Variants in TP53BP2 observed in about 807,000 individuals in gnomAD.
TP53BP2 encodes apoptosis-stimulating of p53 protein 2.
A neutral mutation model predicts 126.2 loss-of-function variants in TP53BP2; 62 were observed. The ratio of observed to expected loss-of-function variants is 0.49; its 90% CI spans 0.40 to 0.61. The LOEUF (loss-of-function observed/expected upper bound fraction) is 0.61, where lower values mean the gene tolerates loss of function less well. Among genes scored for constraint, TP53BP2 ranks in the 20% least tolerant of loss-of-function variants. The probability of loss-of-function intolerance (pLI) is 0.00; values close to 1 mark genes in which losing one functional copy is unlikely to be tolerated. For missense variants in TP53BP2, 1,215 were observed against 1,402.8 expected, an observed-to-expected ratio of 0.87 and a Z score of 2.14; for synonymous variants, 485 against 502.9, an observed-to-expected ratio of 0.96 and a Z score of 0.48.
chr1:223,808,628 A>T (rs1446434951), intron 4 of TP53BP2, among the ~76,000 whole-genome samples: 1 of 151,980 alleles, frequency 6.6e-6, no homozygotes, highest in Non-Finnish European at 1.5e-5. Context: ...GTAAAACTGC[A>T]AACTACAAAA....
chr1:223,841,731 A>G (rs1664108418), intron 1 of TP53BP2, among the ~76,000 whole-genome samples: 1 of 152,118 alleles, frequency 6.6e-6, no homozygotes, highest in African/African-American at 2.4e-5. Flanking sequence ...GAGATACTGT[A>G]ATATCCCATT....
chr1:223,790,010 G>A (rs937347220), intron 15 of TP53BP2, among the ~76,000 whole-genome samples: 4 of 152,040 alleles, frequency 2.6e-5, no homozygotes, highest in Admixed American at 6.6e-5. Context: ...TAGACCAGGC[G>A]CAGTGGCTCC....
In TP53BP2 at chr1:223,796,584, C is replaced by T. The variant is rs1662332959; in HGVS notation, c.1955G>A (p.Gly652Asp). 1.9e-6 allele frequency: 3 copies of T among 1,561,122 alleles called. No individual in the cohort carries two copies. The African/African-American group carries it at 4.3e-5, about 22-fold the overall frequency. ...CTGGGCAGCAGCAATTACAGGCTTA[C>T]CATATACTAATTGGAAAAGGAAAAA... ...TRGPHFSSVY[G>D]KPVIAAAQNQ... Residue 652 changes from glycine (G) to aspartate (D), a missense_variant, in exon 13 of 18, where the codon GGT (glycine) becomes GAT (aspartate). This residue lies in a region of TP53BP2 where 814 missense variants were observed against 853.0 expected (regional missense o/e 0.95). Coordinates refer to ENST00000343537, the MANE Select transcript of TP53BP2 (RefSeq NM_001031685.3). This position sits in a 1 kb window ranked among gnomAD's most constrained non-coding sequence, Gnocchi z 4.2.
Position 223,845,861 on chromosome 1 carries a change from G to T in TP53BP2, c.-181C>A. 1 of 379,868 alleles carries T rather than the reference G, an allele frequency of 2.6e-6. No homozygotes were observed. The highest frequency in any genetic ancestry group is 4.4e-6 in the Non-Finnish European group (1 of 229,712). The allele number at this position is 379,868 out of a possible 1,614,324, so 23.5% of individuals were successfully genotyped here. ...GGGCTGGGGCACCAACAAGCCCCGG[G>T]CTCCCCCGCCCCGGCCGGGCCCCCT... On this transcript the variant is annotated 5_prime_UTR_variant, in exon 1 of 18. Transcript: ENST00000343537.
At chr1:223,806,803 G>T (rs766891062) in intron 5 of TP53BP2, 43 bp downstream of exon 5, 3 of 1,527,472 alleles carry the variant, frequency 2.0e-6, no homozygotes, top group East Asian at 2.3e-5. Context: ...CAGCCTAGGC[G>T]ACAGAGTGAG....
chr1:223,826,833 G>A lies in TP53BP2; in HGVS notation c.28-5466C>T, dbSNP rs114218810. 7.4e-3 allele frequency among the ~76,000 whole-genome samples: 1,134 copies of A among 152,266 alleles called. 11 individuals carry two copies. Among genetic ancestry groups the A allele is most frequent in the Middle Eastern group, 0.027 (8 of 294 alleles). On this transcript the variant is annotated intron_variant, in intron 1 of 17. Transcript: ENST00000343537. ...CAATTAAGAGGTAAATGCTACACAC[G>A]GAATGAGATACGATGGTAGCACAGA...
rs780509270 is a variant in TP53BP2, at chr1:223,807,175, A to G, written c.373-228T>C. On this transcript the variant is annotated intron_variant, in intron 4 of 17. Coordinates refer to ENST00000343537, the MANE Select transcript of TP53BP2 (RefSeq NM_001031685.3). ...ACACACTAATATACAATAATCTTTT[A>G]TTTTAAGTTGCAAGTTTAAAATTAA... Among the ~76,000 whole-genome samples the G allele has an allele frequency of 9.1e-4, 138 of 152,194 alleles. 1 individual carries two copies. The highest frequency in any genetic ancestry group is 3.7e-4 in the Non-Finnish European group (25 of 68,024).
At chr1:223,786,038 G>A (rs373612321) in intron 16 of TP53BP2, among the ~76,000 whole-genome samples, 7 of 152,218 alleles carry the variant, frequency 4.6e-5, no homozygotes, top group African/African-American at 1.4e-4. Context: ...CAGCACACAT[G>A]TCCTTCGAAA....
At chr1:223,791,810 A>C (rs1662165414) in intron 15 of TP53BP2, among the ~76,000 whole-genome samples, 2 of 152,166 alleles carry the variant, frequency 1.3e-5, no homozygotes, top group Admixed American at 1.3e-4. Context: ...TTTGCTGTCT[A>C]TTCTGTTAGT....
intron 16 of TP53BP2, among the ~76,000 whole-genome samples, chr1:223,784,754 G>A (rs1235691507): frequency 1.3e-5 from 2 of 152,120 alleles, no homozygotes; most frequent in African/African-American, 2.4e-5. Flanking sequence ...AAAATTCAGA[G>A]CAGACAGAGA....
intron 9 of TP53BP2, among the ~76,000 whole-genome samples, chr1:223,801,372 T>C (rs1662522625): frequency 6.6e-6 from 1 of 152,234 alleles, no homozygotes; most frequent in African/African-American, 2.4e-5. Context: ...GTAGTTATGG[T>C]AAAATAACAA....
intron 1 of TP53BP2, among the ~76,000 whole-genome samples, chr1:223,824,243 C>T (rs1663413964): frequency 2.0e-5 from 3 of 152,296 alleles, no homozygotes; most frequent in South Asian, 4.1e-4. Flanking sequence ...TGATCTTTTA[C>T]TTTCTGGAAA....
chr1:223,821,361 G>C lies in TP53BP2; in HGVS notation c.34C>G (p.Leu12Val). 1.9e-6 allele frequency: 3 copies of C among 1,614,006 alleles called. No individual in the cohort carries two copies. The South Asian group carries it at 3.3e-5, about 18-fold the overall frequency. The change falls in exon 2 of 18, where the codon CTT becomes GTT. Residue 12 changes from leucine to valine, a missense_variant. This residue lies in a region of TP53BP2 where 814 missense variants were observed against 853.0 expected (regional missense o/e 0.95). Transcript: ENST00000343537. ...RFGSKMMPMF[L>V]TVYLSNNEQH... ...TCATTGTTACTGAGATACACGGTAA[G>C]AAACATCTAAAAATTAAGAGAGAAA...
At chr1:223,809,347 A>G (rs1662831762) in intron 4 of TP53BP2, among the ~76,000 whole-genome samples, 1 of 152,142 alleles carries the variant, frequency 6.6e-6, no homozygotes, top group South Asian at 2.1e-4. Flanking sequence ...TGGGTGGATC[A>G]CTTGAGGTCA....
intron 1 of TP53BP2, among the ~76,000 whole-genome samples, chr1:223,842,612 A>C (rs893171114): frequency 6.6e-6 from 1 of 152,242 alleles, no homozygotes; most frequent in African/African-American, 2.4e-5. Flanking sequence ...ACAAACAAAA[A>C]TTTTTATGAA....
Position 223,802,364 on chromosome 1 carries a change from T to C in TP53BP2, c.997-20A>G, listed in dbSNP as rs1286186502. 1 of 1,600,874 alleles carries C rather than the reference T, an allele frequency of 6.2e-7. No individual in the cohort carries two copies. Among genetic ancestry groups the C allele is most frequent in the Non-Finnish European group, 8.5e-7 (1 of 1,172,920 alleles). On this transcript the variant is annotated intron_variant, in intron 8 of 17. Transcript: ENST00000343537. The stretch of plus-strand genomic sequence containing the variant: ...TGAAACCTTAGGAAAGAAGCACAGG[T>C]CCTTTAGTATTAAAAATCATCTCAG...
chr1:223,844,021 C>T (rs1329224916), intron 1 of TP53BP2, among the ~76,000 whole-genome samples: 2 of 152,158 alleles, frequency 1.3e-5, no homozygotes, highest in African/African-American at 4.8e-5. Flanking sequence ...TCAAACCACC[C>T]TAAGAGCTGA....
intron 16 of TP53BP2, among the ~76,000 whole-genome samples, chr1:223,788,069 TA>T (rs992574527): frequency 7.5e-6 from 1 of 133,666 alleles, no homozygotes; most frequent in South Asian, 2.2e-4. Context: ...ACCTCGCCTC[TA>T]AAAAAATAAA....
Position 223,796,620 on chromosome 1 carries a change from C to T in TP53BP2, c.1949-30G>A. ...TTGGAAAAGGAAAAAAAAAAGCCCTCATTAGCATTAATTAAACAAAACTGG... is the reference window on the plus strand; with the variant it reads ...TTGGAAAAGGAAAAAAAAAAGCCCTTATTAGCATTAATTAAACAAAACTGG... On this transcript the variant is annotated intron_variant, in intron 12 of 17. Transcript: ENST00000343537. This position sits in a 1 kb window ranked among gnomAD's most constrained non-coding sequence, Gnocchi z 4.2. 6.5e-7 allele frequency: 1 copy of T among 1,531,228 alleles called. No homozygotes were observed. Among genetic ancestry groups the T allele is most frequent in the Non-Finnish European group, 8.7e-7 (1 of 1,148,196 alleles). 94.9% of individuals were successfully genotyped at this position (1,531,228 alleles called of 1,614,324 possible).
Sources: gnomAD v4.1 joint callset for allele counts (sites outside exome capture counted in the v4.1 genomes callset) on GRCh38, gnomAD v4.1.1 for gene constraint, gnomAD v4.1.1 regional missense constraint, Gnocchi (gnomAD v3.1) non-coding constraint, MANE v1.5 for transcripts, NCBI Gene and HGNC (gene_info 2026-07-23, HGNC 2026-07-21) for gene names.